The following HPS5 variants were observed in gnomAD, a reference collection of about 807,000 sequenced individuals.
HPS5 encodes BLOC-2 complex member HPS5.
HPS5 carries 83 observed loss-of-function variants against 128.0 expected under a neutral mutation model. The ratio of observed to expected loss-of-function variants is 0.65; its 90% CI spans 0.54 to 0.78. The LOEUF (loss-of-function observed/expected upper bound fraction) is 0.78, where lower values mean the gene tolerates loss of function less well. Among genes scored for constraint, HPS5 ranks in the 30% least tolerant of loss-of-function variants. HPS5 has a pLI of 0.00. For synonymous variants in HPS5, 475 were observed against 470.2 expected (o/e 1.01, Z -0.13); for missense variants, 1,281 against 1,326.2 (o/e 0.97, Z 0.53).
chr11:18,285,921 A>AAACACATACATACCTATCTCCC (rs1859654813), intron 19 of HPS5, among the ~76,000 whole-genome samples: 1 of 152,234 alleles, frequency 6.6e-6, no homozygotes, highest in Admixed American at 6.5e-5. Context: ...TTTAGGAAGA[A>AAACACATACATACCTATCTCCC]AACACATACA....
At position 18,306,194 on chromosome 11, in the gene HPS5, T is replaced by C; in HGVS notation, c.765A>G (p.Ile255Met). ...GGAGTTTCTTGAACTGATGTGTACT[T>C]ATAACTTCTCCATCAAAGTTCACTT... is the stretch of plus-strand genomic sequence containing the variant. ...MWEVNFDGEV[I>M]STHQFKKLLS... Residue 255 changes from isoleucine to methionine, a missense_variant, in exon 7 of 23, where the codon ATA becomes ATG. By Grantham distance (10) the Ile-to-Met change is conservative (BLOSUM62 1). Coordinates refer to ENST00000349215, the MANE Select transcript of HPS5 (RefSeq NM_181507.2). The C allele has an allele frequency of 1.2e-6, 2 of 1,614,138 alleles. No individual in the cohort carries two copies. The highest frequency in any genetic ancestry group is 1.7e-6 in the Non-Finnish European group (2 of 1,179,994).
Position 18,287,639 on chromosome 11 carries a change from A to C in HPS5, c.2613T>G (p.Phe871Leu). Residue 871 changes from phenylalanine to leucine, a missense_variant, in exon 18 of 23, where the codon TTT becomes TTG. Coordinates refer to ENST00000349215, the MANE Select transcript of HPS5 (RefSeq NM_181507.2). ...ESALRSLIKF[F>L]PSILPSDIIQ... ...TGATATCCGATGGCAAAATGGATGG[A>C]AAGAACTTGATTAAGGATCGAAGAG... The C allele has an allele frequency of 6.2e-7, 1 of 1,614,210 alleles. No homozygotes were observed. Among genetic ancestry groups the C allele is most frequent in the Non-Finnish European group, 8.5e-7 (1 of 1,180,012 alleles).
At chr11:18,283,747 A>G (rs1859331084) in intron 21 of HPS5, 48 bp downstream of exon 21, 6 of 1,369,902 alleles carry the variant, frequency 4.4e-6, no homozygotes, top group Non-Finnish European at 6.3e-6. Flanking sequence ...GGTCTGGAGT[A>G]ACTTCTAAAA....
At chr11:18,317,133 G>A (rs1284856566) in intron 2 of HPS5, among the ~76,000 whole-genome samples, 1 of 151,154 alleles carries the variant, frequency 6.6e-6, no homozygotes, top group Admixed American at 6.6e-5. Flanking sequence ...GGCGGAGCAT[G>A]CAGTGAGCTG....
At chr11:18,311,624 C>A in intron 3 of HPS5, 173 bp from the exon 4 acceptor site, 1 of 549,530 alleles carries the variant, frequency 1.8e-6, no homozygotes, top group Non-Finnish European at 3.2e-6. Flanking sequence ...GATTCTCCTG[C>A]CTCCGCCTCC....
chr11:18,317,665 C>A, intron 2 of HPS5, 86 bp downstream of exon 2: 1 of 1,339,328 alleles, frequency 7.5e-7, no homozygotes, highest in African/African-American at 1.4e-5. Context: ...CCCAAGATTC[C>A]ACAAAACGTT....
chr11:18,300,977 C>T (rs1469698620), intron 8 of HPS5, 61 bp from the exon 9 acceptor site: 6 of 947,012 alleles, frequency 6.3e-6, no homozygotes, highest in East Asian at 4.8e-5. Context: ...TATAATTCCC[C>T]GAATTCAGAT....
At chr11:18,310,106 G>C (rs577829524) in intron 5 of HPS5, among the ~76,000 whole-genome samples, 25 of 152,318 alleles carry the variant, frequency 1.6e-4, no homozygotes, top group African/African-American at 6.0e-4. Flanking sequence ...CTCTACTTCT[G>C]ATGTAATGGT....
At chr11:18,290,519 G>A (rs1860266678) in intron 16 of HPS5, among the ~76,000 whole-genome samples, 1 of 151,596 alleles carries the variant, frequency 6.6e-6, no homozygotes, top group African/African-American at 2.4e-5. Flanking sequence ...TAAGTTACAT[G>A]AGAGATTTTC....
intron 12 of HPS5, chr11:18,296,339 A>G (rs746010545): frequency 3.6e-5 from 21 of 575,408 alleles, no homozygotes; most frequent in African/African-American, 5.6e-5. Flanking sequence ...TTTGCCTACT[A>G]ACCCTGAGTC....
intron 11 of HPS5, 74 bp downstream of exon 11, chr11:18,297,485 C>T: frequency 2.1e-6 from 3 of 1,414,636 alleles, no homozygotes; most frequent in South Asian, 1.2e-5. Context: ...TTTGGGGATC[C>T]TAGAGGTAAA....
At chr11:18,309,560 G>C (rs1402420793) in intron 5 of HPS5, among the ~76,000 whole-genome samples, 2 of 152,052 alleles carry the variant, frequency 1.3e-5, no homozygotes, top group Non-Finnish European at 2.9e-5. Context: ...CCTGTAGATA[G>C]CACTTCTCCC....
chr11:18,307,378 G>T (rs777032398), intron 6 of HPS5, among the ~76,000 whole-genome samples: 1 of 152,194 alleles, frequency 6.6e-6, no homozygotes, highest in Non-Finnish European at 1.5e-5. Context: ...GAACATAGGT[G>T]TAAGAGTGCT....
At position 18,311,378 on chromosome 11, in the gene HPS5, G is replaced by A. The variant is rs1862967214; in HGVS notation, c.284+9C>T. ...AAAAAGGACAGATAGTTTTGGAACA[G>A]ATTCTTACCTGGTAGCTACAGCAAC... On this transcript the variant is annotated intron_variant, in intron 4 of 22. Transcript: ENST00000349215. 4 of 1,583,218 alleles carry A rather than the reference G, an allele frequency of 2.5e-6. No individual in the cohort carries two copies. The highest frequency in any genetic ancestry group is 3.5e-6 in the Non-Finnish European group (4 of 1,152,910).
chr11:18,281,577 T>C (rs1359746207), intron 22 of HPS5, among the ~76,000 whole-genome samples: 1 of 5,298 alleles, frequency 1.9e-4, no homozygotes, highest in Non-Finnish European at 4.0e-4. Flanking sequence ...TTTTTGTACT[T>C]TTTTTTTTTA....
At chr11:18,312,763 G>C (rs1488848098) in intron 2 of HPS5, among the ~76,000 whole-genome samples, 1 of 152,234 alleles carries the variant, frequency 6.6e-6, no homozygotes, top group Non-Finnish European at 1.5e-5. Flanking sequence ...AATGAGAACA[G>C]TAAGACTGGA....
chr11:18,284,996 C>T (rs930259969), intron 20 of HPS5, among the ~76,000 whole-genome samples: 3 of 151,844 alleles, frequency 2.0e-5, no homozygotes, highest in African/African-American at 7.2e-5. Context: ...CCATTTTGAT[C>T]TCTCTCTTAC....
At chr11:18,280,683 A>T in intron 22 of HPS5, 3 of 639,746 alleles carry the variant, frequency 4.7e-6, no homozygotes, top group Non-Finnish European at 8.4e-6. Flanking sequence ...TGGCATATAT[A>T]TACAACGGAA....
At chr11:18,292,169 A>G in intron 15 of HPS5, 150 bp from the exon 16 acceptor site, 1 of 654,880 alleles carries the variant, frequency 1.5e-6, no homozygotes, top group South Asian at 1.9e-5. Context: ...CTATCTCAAC[A>G]AGATGACAAA....
Sources: allele counts gnomAD v4.1 joint callset (sites outside exome capture counted in the v4.1 genomes callset), GRCh38; gene constraint gnomAD v4.1.1; transcripts MANE v1.5; gene names NCBI Gene and HGNC (gene_info 2026-07-23, HGNC 2026-07-21).